BCAR1: variants seen among roughly 807,000 people sequenced by gnomAD.
BCAR1 encodes the protein BCAR1 scaffold protein, Cas family member.
In BCAR1, 30 loss-of-function variants were observed where a neutral mutation model predicts 67.6. That is an observed-to-expected ratio of 0.44 (90% CI 0.33 to 0.60). The LOEUF (loss-of-function observed/expected upper bound fraction) is 0.60. Among genes scored for constraint, BCAR1 ranks in the 20% least tolerant of loss-of-function variants. BCAR1 has a pLI of 0.02. For synonymous variants in BCAR1, 626 were observed against 556.7 expected, an observed-to-expected ratio of 1.12 and a Z score of -1.75; for missense variants, 1,313 against 1,222.3, an observed-to-expected ratio of 1.07 and a Z score of -1.11.
chr16:75,238,006 G>GT, intron 2 of BCAR1: 2 of 1,283,426 alleles, frequency 1.6e-6, no homozygotes, highest in Non-Finnish European at 2.0e-6. Context: ...CCTGCAGCAG[G>GT]TAAGATCCCC....
chr16:75,251,372 G>GC, intron 1 of BCAR1, 99 bp downstream of exon 1: 1 of 1,429,356 alleles, frequency 7.0e-7, no homozygotes, highest in South Asian at 1.3e-5. Flanking sequence ...CGGTTCCCAG[G>GC]CCCCGCAGGT....
intron 1 of BCAR1, chr16:75,265,252 T>A (rs898973393): frequency 6.6e-6 from 1 of 152,268 alleles, no homozygotes; most frequent in African/African-American, 2.4e-5. Context: ...ACGGCTCCCA[T>A]CCAGCCAAGC....
Position 75,234,950 on chromosome 16 carries a change from T to A in BCAR1, c.1949A>T (p.Asp650Val), listed in dbSNP as rs779047175. 3.5e-5 allele frequency: 55 copies of A among 1,584,652 alleles called. No individual in the cohort carries two copies. The highest frequency in any genetic ancestry group is 2.3e-4 in the South Asian group (20 of 87,586). Residue 650 changes from aspartate (D) to valine (V), a missense_variant, in exon 5 of 7, where the codon GAT (aspartate) becomes GTT (valine). Coordinates refer to ENST00000162330, the MANE Select transcript of BCAR1 (RefSeq NM_014567.5). ...CCCCTCGCTGTTCTCGTACTGCCCA[T>A]CTGGCGAGTCCTGGGAGGTGAACTT... ...PPKFTSQDSP[D>V]GQYENSEGGW...
At chr16:75,253,533 T>C (rs116352383), upstream of BCAR1, among the ~76,000 whole-genome samples, 4,069 of 152,176 alleles carry the variant, frequency 0.027, 213 homozygotes, top group African/African-American at 0.094. Context: ...CCTCCCCCAG[T>C]AGCTGCATTA....
chr16:75,260,610 G>T (rs1256527545), intron 1 of BCAR1, among the ~76,000 whole-genome samples: 1 of 148,874 alleles, frequency 6.7e-6, no homozygotes, highest in African/African-American at 2.5e-5. Flanking sequence ...CTCCAGCCTG[G>T]GTGACAGAGT....
chr16:75,242,663 G>A lies in BCAR1; in HGVS notation c.440C>T (p.Thr147Ile). 6.5e-7 allele frequency: 1 copy of A among 1,529,830 alleles called. No homozygotes were observed. The highest frequency in any genetic ancestry group is 8.8e-7 in the Non-Finnish European group (1 of 1,139,654). The allele number at this position is 1,529,830 out of a possible 1,614,324, so 94.8% of individuals were successfully genotyped here. Residue 147 changes from threonine (T) to isoleucine (I), a missense_variant, in exon 2 of 7, where the codon ACC (threonine) becomes ATC (isoleucine). This residue lies in a region of BCAR1 where 1,272 missense variants were observed against 1,137.5 expected (regional missense o/e 1.12). Coordinates refer to ENST00000162330, the MANE Select transcript of BCAR1 (RefSeq NM_014567.5). ...GTGATGGGGTGTCTGCTTCGAGAAGGTGGATGTCTGCTTGGCTGGGGGAGA... is the reference window on the plus strand; with the variant it reads ...GTGATGGGGTGTCTGCTTCGAGAAGATGGATGTCTGCTTGGCTGGGGGAGA... ...FQSPPAKQTSTFSKQTPHHPF... is the reference protein window; with the variant it reads ...FQSPPAKQTSIFSKQTPHHPF...
At position 75,242,777 on chromosome 16, in the gene BCAR1, G is replaced by C. The variant is rs1567607290; in HGVS notation, c.326C>G (p.Pro109Arg). Residue 109 changes from proline (P) to arginine (R), a missense_variant, in exon 2 of 7, where the codon CCC (proline) becomes CGC (arginine). Transcript: ENST00000162330. ...YTPMLPNTYQ[P>R]QPDSVYLVPT... ...CACCAGGTAGACGCTGTCTGGCTGG[G>C]GCTGGTAGGTGTTGGGGAGCATGGG... 5 of 1,598,604 alleles carry C rather than the reference G, an allele frequency of 3.1e-6. No individual in the cohort carries two copies. The highest frequency in any genetic ancestry group is 3.4e-6 in the Non-Finnish European group (4 of 1,172,460).
At chr16:75,244,024 C>T (rs1387684923) in intron 1 of BCAR1, among the ~76,000 whole-genome samples, 1 of 152,192 alleles carries the variant, frequency 6.6e-6, no homozygotes, top group Non-Finnish European at 1.5e-5. Flanking sequence ...TGCGGCCCCT[C>T]CTAGGGCAGC....
At chr16:75,251,339 C>T (rs1364010676) in intron 1 of BCAR1, 132 bp downstream of exon 1, 16 of 1,288,376 alleles carry the variant, frequency 1.2e-5, no homozygotes, top group Non-Finnish European at 1.4e-5. Flanking sequence ...GAAGGAGATC[C>T]CAGGGCCGCG....
chr16:75,245,703 G>A (rs1006247058), intron 1 of BCAR1, among the ~76,000 whole-genome samples: 1 of 152,176 alleles, frequency 6.6e-6, no homozygotes, highest in African/African-American at 2.4e-5. Flanking sequence ...GAGCTTCCCC[G>A]CCTGCGTCAG....
At position 75,236,936 on chromosome 16, in the gene BCAR1, C is replaced by T. The variant is rs1464439551; in HGVS notation, c.858G>A (p.Val286=). The T allele has an allele frequency of 1.2e-6, 2 of 1,612,704 alleles. No homozygotes were observed. Among genetic ancestry groups the T allele is most frequent in the South Asian group, 1.1e-5 (1 of 90,762 alleles). The change falls in exon 4 of 7, where the codon GTG becomes GTA. Residue 286 remains valine (V), a synonymous_variant. Transcript: ENST00000162330. ...GPNGRDPLLE[V]YDVPPSVEKG... ...TCTCCACACTGGGGGGCACGTCATACACCTCCAGCAACGGGTCTCGGCCAT... is the reference window on the plus strand; with the variant it reads ...TCTCCACACTGGGGGGCACGTCATATACCTCCAGCAACGGGTCTCGGCCAT...
chr16:75,234,635 G>C (rs1434461675), intron 5 of BCAR1, among the ~76,000 whole-genome samples: 1 of 152,220 alleles, frequency 6.6e-6, no homozygotes, highest in African/African-American at 2.4e-5. Flanking sequence ...CATTTCTGCA[G>C]ATCTGTCTCC....
upstream of BCAR1, among the ~76,000 whole-genome samples, chr16:75,253,820 C>G (rs1249026666): frequency 2.0e-5 from 3 of 152,172 alleles, no homozygotes; most frequent in Non-Finnish European, 4.4e-5. Context: ...ACCCCCAGTC[C>G]AGCCTCCCGG....
intron 2 of BCAR1, among the ~76,000 whole-genome samples, chr16:75,241,730 C>T (rs2077349471): frequency 6.6e-6 from 1 of 152,214 alleles, no homozygotes; most frequent in Non-Finnish European, 1.5e-5. Flanking sequence ...TGACTCGCTG[C>T]CCAGCTGGCA....
At position 75,235,679 on chromosome 16, in the gene BCAR1, C is replaced by G. The variant is rs144989936; in HGVS notation, c.1220G>C (p.Ser407Thr). Residue 407 changes from serine to threonine, a missense_variant, in exon 5 of 7, where the codon AGT becomes ACT. Physicochemically the swap from Ser to Thr is moderately conservative, Grantham distance 58. Coordinates refer to ENST00000162330, the MANE Select transcript of BCAR1 (RefSeq NM_014567.5). ...TGGGGGAGGCACCGCATACACACCA[C>G]TGTCGACCACGCCACCATCAGCCAC... ...PEVADGGVVD[S>T]GVYAVPPPAE... 2.6e-5 allele frequency: 42 copies of G among 1,611,800 alleles called. No individual in the cohort carries two copies. The highest frequency in any genetic ancestry group is 3.6e-5 in the Non-Finnish European group (42 of 1,178,976).
chr16:75,233,750 G>C (rs1011845965), intron 6 of BCAR1, 96 bp downstream of exon 6: 3 of 1,293,878 alleles, frequency 2.3e-6, no homozygotes, highest in South Asian at 2.7e-5. Context: ...GACAACATGA[G>C]AAGCTGGGGA....
chr16:75,251,437 C>T (rs2077676218), intron 1 of BCAR1, 34 bp downstream of exon 1: 4 of 1,468,802 alleles, frequency 2.7e-6, no homozygotes, highest in African/African-American at 1.5e-5. Context: ...GCCTCCAAGC[C>T]CGTACGCGGC....
Position 75,229,880 on chromosome 16 carries a change from C to T in BCAR1, c.2244G>A (p.Leu748=). The change falls in exon 7 of 7, where the codon CTG becomes CTA. Residue 748 remains leucine, a synonymous_variant. Coordinates refer to ENST00000162330, the MANE Select transcript of BCAR1 (RefSeq NM_014567.5). The part of the protein sequence containing the change: ...PSDRQLLLFY[L]EQCEANLTTL... ...TGGTCAGGTTGGCCTCACACTGCTC[C>T]AGGTAGAAGAGCAGCAGCTGCCGGT... 1 of 1,612,116 alleles carries T rather than the reference C, an allele frequency of 6.2e-7. No individual in the cohort carries two copies. Among genetic ancestry groups the T allele is most frequent in the Non-Finnish European group, 8.5e-7 (1 of 1,179,072 alleles).
At chr16:75,251,005 C>T (rs1772460462) in intron 1 of BCAR1, 1 of 985,148 alleles carries the variant, frequency 1.0e-6, no homozygotes, top group Admixed American at 6.1e-5. Flanking sequence ...CGCACTTGCC[C>T]GCCCGGCCTC....
Sources: allele counts gnomAD v4.1 joint callset (sites outside exome capture counted in the v4.1 genomes callset), GRCh38; gene constraint gnomAD v4.1.1; regional missense constraint gnomAD v4.1.1; transcripts MANE v1.5; gene names NCBI Gene and HGNC (gene_info 2026-07-23, HGNC 2026-07-21).